Variants in PTPRD observed in about 807,000 individuals in gnomAD.
PTPRD encodes the protein protein tyrosine phosphatase receptor type D.
In PTPRD, 34 loss-of-function variants were observed where a neutral mutation model predicts 214.5. That is an observed-to-expected ratio of 0.16 (90% CI 0.12 to 0.21). The LOEUF (loss-of-function observed/expected upper bound fraction) is 0.21. PTPRD is among the 10% of genes least tolerant of loss of function. The probability of loss-of-function intolerance (pLI) is 1.00; values close to 1 mark genes in which losing one functional copy is unlikely to be tolerated. For synonymous variants in PTPRD, 1,128 were observed against 845.7 expected, an observed-to-expected ratio of 1.33 and a Z score of -5.79; for missense variants, 2,545 against 2,398.7, an observed-to-expected ratio of 1.06 and a Z score of -1.27.
chr9:10,350,523 T>G (rs1211288789), intron 2 of PTPRD, among the ~76,000 whole-genome samples: 1 of 152,136 alleles, frequency 6.6e-6, no homozygotes, highest in Non-Finnish European at 1.5e-5. Context: ...TTACATATAT[T>G]TTGTCATTTA....
intron 3 of PTPRD, among the ~76,000 whole-genome samples, chr9:10,194,577 A>G (rs2099389959): frequency 6.6e-6 from 1 of 152,038 alleles, no homozygotes; most frequent in Admixed American, 6.6e-5. Context: ...TTAACACATG[A>G]ACCTACCTCA....
chr9:8,938,060 C>A (rs1020475753), intron 11 of PTPRD, among the ~76,000 whole-genome samples: 4 of 152,056 alleles, frequency 2.6e-5, no homozygotes, highest in African/African-American at 7.2e-5. Context: ...GGGAGGCAGA[C>A]AAATGAACAA....
At chr9:10,535,290 T>G (rs1383105907) in intron 2 of PTPRD, among the ~76,000 whole-genome samples, 1 of 152,170 alleles carries the variant, frequency 6.6e-6, no homozygotes, top group Non-Finnish European at 1.5e-5. Flanking sequence ...GTTATTTTGT[T>G]TCTGTTTGCT....
intron 13 of PTPRD, among the ~76,000 whole-genome samples, chr9:8,635,393 T>C (rs2096399153): frequency 6.6e-6 from 1 of 151,902 alleles, no homozygotes; most frequent in Non-Finnish European, 1.5e-5. Context: ...ATTTTCTACA[T>C]GACACAGGAA....
intron 9 of PTPRD, among the ~76,000 whole-genome samples, chr9:9,314,095 T>G (rs1305454981): frequency 6.6e-6 from 1 of 152,182 alleles, no homozygotes; most frequent in African/African-American, 2.4e-5. Context: ...AGCATAATTT[T>G]CACCATTATT....
rs578047254 is a variant in PTPRD, at chr9:10,289,938, G to A, written c.-545+51025C>T. ...GCTGAGGAGCGGTAGGGTAAAAAGG[G>A]TTATAGTTAAATTTTCATATATTCA... On this transcript the variant is annotated intron_variant, in intron 3 of 45. Transcript: ENST00000381196. 2.0e-5 allele frequency among the ~76,000 whole-genome samples: 3 copies of A among 152,164 alleles called. No individual in the cohort carries two copies. The South Asian group carries it at 6.2e-4, about 32-fold the overall frequency.
intron 12 of PTPRD, among the ~76,000 whole-genome samples, chr9:8,721,538 G>A (rs529963461): frequency 6.6e-6 from 1 of 151,536 alleles, no homozygotes; most frequent in African/African-American, 2.4e-5. Flanking sequence ...TAATTTTATT[G>A]ATAAAAATAA....
chr9:10,570,072 A>C (rs1052133256), intron 2 of PTPRD, among the ~76,000 whole-genome samples: 9 of 152,108 alleles, frequency 5.9e-5, no homozygotes, highest in Non-Finnish European at 1.0e-4. Context: ...AAAATTATTA[A>C]CTTATATTCT....
chr9:10,254,852 G>A (rs2093115769), intron 3 of PTPRD, among the ~76,000 whole-genome samples: 1 of 152,146 alleles, frequency 6.6e-6, no homozygotes, highest in Non-Finnish European at 1.5e-5. Context: ...GGAGACTCAT[G>A]ATAAGCAGCA....
intron 9 of PTPRD, among the ~76,000 whole-genome samples, chr9:9,282,805 T>C (rs1165850300): frequency 6.6e-6 from 1 of 151,456 alleles, no homozygotes; most frequent in Non-Finnish European, 1.5e-5. Flanking sequence ...GTTAAAGCCC[T>C]AATAAACTGT....
chr9:10,057,114 T>C (rs2154161499), intron 3 of PTPRD, among the ~76,000 whole-genome samples: 1 of 152,280 alleles, frequency 6.6e-6, no homozygotes, highest in African/African-American at 2.4e-5. Flanking sequence ...CCTTGGATGG[T>C]TCTCCTAAAT....
intron 11 of PTPRD, among the ~76,000 whole-genome samples, chr9:8,884,929 G>T (rs188829876): frequency 6.7e-6 from 1 of 150,144 alleles, no homozygotes; most frequent in African/African-American, 2.4e-5. Flanking sequence ...GAAACAAAAA[G>T]TTATCTCCTG....
At chr9:9,914,762 G>C (rs558304885) in intron 5 of PTPRD, among the ~76,000 whole-genome samples, 3 of 152,308 alleles carry the variant, frequency 2.0e-5, no homozygotes, top group African/African-American at 7.2e-5. Flanking sequence ...AGCTGAGCCT[G>C]CTTGTGCTCA....
At chr9:10,430,882 A>G (rs1430626821) in intron 2 of PTPRD, among the ~76,000 whole-genome samples, 1 of 151,932 alleles carries the variant, frequency 6.6e-6, no homozygotes, top group Non-Finnish European at 1.5e-5. Flanking sequence ...TTAGTGATAA[A>G]GAAAAGTTCA....
At chr9:9,298,446 G>C (rs534862373) in intron 9 of PTPRD, among the ~76,000 whole-genome samples, 41 of 151,788 alleles carry the variant, frequency 2.7e-4, no homozygotes, top group Non-Finnish European at 5.0e-4. Flanking sequence ...ATGGCAGATG[G>C]AATACACTTA....
chr9:9,811,981 G>C (rs894869011), intron 5 of PTPRD, among the ~76,000 whole-genome samples: 1 of 152,108 alleles, frequency 6.6e-6, no homozygotes, highest in East Asian at 1.9e-4. Flanking sequence ...AAATGCACCA[G>C]CTACTTCCAC....
intron 31 of PTPRD, among the ~76,000 whole-genome samples, chr9:8,468,030 T>C (rs755564582): frequency 1.3e-5 from 2 of 152,016 alleles, no homozygotes; most frequent in African/African-American, 4.8e-5. Context: ...ACTGCAGATG[T>C]AGTTAATAGT....
At chr9:8,988,572 C>A (rs1460347608) in intron 11 of PTPRD, among the ~76,000 whole-genome samples, 2 of 152,032 alleles carry the variant, frequency 1.3e-5, no homozygotes, top group African/African-American at 4.8e-5. Flanking sequence ...CAGGTTTTAG[C>A]AGTTCCTCTG....
chr9:8,790,466 G>A (rs1036129519), intron 11 of PTPRD, among the ~76,000 whole-genome samples: 2 of 152,010 alleles, frequency 1.3e-5, no homozygotes, highest in Non-Finnish European at 1.5e-5. Context: ...TGCCCAGGCT[G>A]TAGTGCAGTG....
Sources: allele counts gnomAD v4.1 joint callset (sites outside exome capture counted in the v4.1 genomes callset), GRCh38; gene constraint gnomAD v4.1.1; transcripts MANE v1.5; gene names NCBI Gene and HGNC (gene_info 2026-07-23, HGNC 2026-07-21).